CNTLN: variants seen among roughly 807,000 people sequenced by gnomAD.
CNTLN encodes the protein centlein.
A neutral mutation model predicts 180.0 loss-of-function variants in CNTLN; 212 were observed. That is an observed-to-expected ratio of 1.18 (90% CI 1.05 to 1.32). CNTLN has a LOEUF of 1.32. Ranked by LOEUF, CNTLN falls within the 40% of genes most tolerant of loss-of-function variation. The pLI is 0.00. For synonymous variants in CNTLN, 722 were observed against 563.1 expected (o/e 1.28, Z -3.99); for missense variants, 2,095 against 1,610.9 (o/e 1.30, Z -5.14).
intron 23 of CNTLN, among the ~76,000 whole-genome samples, chr9:17,474,158 A>G (rs993677021): frequency 3.9e-5 from 6 of 152,048 alleles, no homozygotes; most frequent in Admixed American, 2.0e-4. Context: ...CCTAATATAT[A>G]TCTGTTCTCA....
At chr9:17,479,479 A>T (rs1299781804) in intron 23 of CNTLN, among the ~76,000 whole-genome samples, 1 of 152,196 alleles carries the variant, frequency 6.6e-6, no homozygotes, top group African/African-American at 2.4e-5. Context: ...ATGAGTGTTT[A>T]TGATAGTCAA....
intron 25 of CNTLN, among the ~76,000 whole-genome samples, chr9:17,496,531 T>C (rs4276776): frequency 0.3 from 45,318 of 152,134 alleles, 7,949 homozygotes; most frequent in East Asian, 0.51. Flanking sequence ...CTTAATACCA[T>C]CACATTGCAG....
chr9:17,140,801 G>C (rs1261208836), intron 1 of CNTLN, among the ~76,000 whole-genome samples: 2 of 151,988 alleles, frequency 1.3e-5, no homozygotes, highest in Non-Finnish European at 2.9e-5. Flanking sequence ...ACATTATGTT[G>C]TATGCCATAA....
At chr9:17,477,864 C>A (rs1324882172) in intron 23 of CNTLN, among the ~76,000 whole-genome samples, 1 of 152,176 alleles carries the variant, frequency 6.6e-6, no homozygotes, top group African/African-American at 2.4e-5. Context: ...AGGATTGACT[C>A]CAGTTTTGAA....
At chr9:17,185,018 C>A (rs1821345166) in intron 2 of CNTLN, among the ~76,000 whole-genome samples, 1 of 152,172 alleles carries the variant, frequency 6.6e-6, no homozygotes, top group Non-Finnish European at 1.5e-5. Context: ...TTTAATTTAT[C>A]TACTCTTGAA....
At chr9:17,336,370 C>G (rs573446557) in intron 10 of CNTLN, among the ~76,000 whole-genome samples, 5 of 152,186 alleles carry the variant, frequency 3.3e-5, no homozygotes, top group Admixed American at 3.3e-4. Flanking sequence ...AAGTGTTTTT[C>G]TTTGAACTGT....
At chr9:17,269,026 G>A (rs966472814) in intron 5 of CNTLN, among the ~76,000 whole-genome samples, 3 of 151,936 alleles carry the variant, frequency 2.0e-5, no homozygotes, top group East Asian at 3.9e-4. Flanking sequence ...GCTAGCGCAC[G>A]GTGCGCTGCA....
chr9:17,297,947 T>TA (rs2132786041), intron 6 of CNTLN, among the ~76,000 whole-genome samples: 1 of 152,356 alleles, frequency 6.6e-6, no homozygotes, highest in Admixed American at 6.5e-5. Flanking sequence ...TTTATTACTA[T>TA]AAAGCTACAA....
chr9:17,172,789 A>T (rs1261873514), intron 2 of CNTLN, among the ~76,000 whole-genome samples: 1 of 152,172 alleles, frequency 6.6e-6, no homozygotes, highest in African/African-American at 2.4e-5. Flanking sequence ...TTTATTGCTA[A>T]GTCTACTTAT....
chr9:17,388,081 T>G, intron 13 of CNTLN, 81 bp from the exon 14 acceptor site: 6 of 859,036 alleles, frequency 7.0e-6, no homozygotes, highest in South Asian at 2.7e-5. Context: ...TGAAAAACCA[T>G]AGAACCCTTT....
chr9:17,443,175 A>G (rs1416951960), intron 18 of CNTLN, among the ~76,000 whole-genome samples: 1 of 152,216 alleles, frequency 6.6e-6, no homozygotes, highest in South Asian at 2.1e-4. Context: ...GCACATTAAT[A>G]TAAGAGACAG....
rs773764469 is a variant in CNTLN at position 17,502,645 on chromosome 9, T to C, written c.4214T>C (p.Ile1405Thr). Residue 1405 changes from isoleucine to threonine, a missense_variant, in exon 26 of 26, where the codon ATT (isoleucine) becomes ACT (threonine). Ile to Thr is a moderately conservative substitution (Grantham distance 89, BLOSUM62 -1). Transcript: ENST00000380647. ...GGATATTTCACAATTATGAAAGATA[T>C]TAGATGATATTAAAATGGAGAGCTT... ...VEGYFTIMKD[I>T]R 1.8e-5 allele frequency: 22 copies of C among 1,227,688 alleles called. No individual in the cohort carries two copies. The highest frequency in any genetic ancestry group is 2.5e-5 in the East Asian group (1 of 39,400). The allele number at this position is 1,227,688 out of a possible 1,614,324, so 76.0% of individuals were successfully genotyped here. A position where few individuals can be genotyped will look rare whatever the true frequency, so the allele number is the denominator to read the frequency against.
At chr9:17,472,851 G>A (rs186114398) in intron 23 of CNTLN, among the ~76,000 whole-genome samples, 1 of 152,096 alleles carries the variant, frequency 6.6e-6, no homozygotes, top group Non-Finnish European at 1.5e-5. Context: ...TGTGCTCATA[G>A]TGCAACAATT....
intron 2 of CNTLN, among the ~76,000 whole-genome samples, chr9:17,204,439 C>T (rs1056801497): frequency 2.6e-5 from 4 of 152,024 alleles, no homozygotes; most frequent in Non-Finnish European, 2.9e-5. Flanking sequence ...CTAACAGGCC[C>T]CTCTTCTGCA....
chr9:17,508,895 T>C (rs7026793), downstream of CNTLN, among the ~76,000 whole-genome samples: 7,698 of 152,300 alleles, frequency 0.051, 635 homozygotes, highest in African/African-American at 0.17. Context: ...TTGGTTACAA[T>C]GAAATCTGGA....
chr9:17,464,792 T>A (rs1003465559), intron 21 of CNTLN, among the ~76,000 whole-genome samples, 169 bp downstream of exon 21: 6 of 151,202 alleles, frequency 4.0e-5, no homozygotes, highest in Admixed American at 6.6e-5. Flanking sequence ...TATTTTAAAA[T>A]TCAATTCTCT....
chr9:17,277,666 T>G (rs1164112431), intron 6 of CNTLN, among the ~76,000 whole-genome samples: 1 of 152,126 alleles, frequency 6.6e-6, no homozygotes, highest in East Asian at 1.9e-4. Flanking sequence ...TTTAAACTAA[T>G]AAGTTTATCA....
At chr9:17,358,543 A>G (rs1442905478) in intron 12 of CNTLN, among the ~76,000 whole-genome samples, 3 of 152,308 alleles carry the variant, frequency 2.0e-5, no homozygotes, top group Admixed American at 6.5e-5. Context: ...CACTATACAC[A>G]TACATATATC....
chr9:17,528,483 A>C, the CNTLN span, among the ~76,000 whole-genome samples: 2 of 152,212 alleles, frequency 1.3e-5, no homozygotes, highest in Non-Finnish European at 2.9e-5. Flanking sequence ...CTCATCAAAA[A>C]CGTCTGAGAA....
Sources: gnomAD v4.1 joint callset for allele counts (sites outside exome capture counted in the v4.1 genomes callset) on GRCh38, gnomAD v4.1.1 for gene constraint, MANE v1.5 for transcripts, NCBI Gene and HGNC (gene_info 2026-07-23, HGNC 2026-07-21) for gene names.